TMEM132B: variants seen among roughly 807,000 people sequenced by gnomAD.
The protein encoded by TMEM132B is transmembrane protein 132B.
Under a neutral mutation model 90.8 loss-of-function variants are expected in TMEM132B, and 18 were observed. The ratio of observed to expected loss-of-function variants is 0.20; its 90% CI spans 0.14 to 0.29. The LOEUF is 0.29. Ranked by LOEUF, TMEM132B falls within the 10% of genes least tolerant of loss-of-function variation. The probability of loss-of-function intolerance (pLI) is 1.00; values close to 1 mark genes in which losing one functional copy is unlikely to be tolerated. For synonymous variants in TMEM132B, 504 were observed against 523.3 expected, an observed-to-expected ratio of 0.96 and a Z score of 0.50; for missense variants, 1,096 against 1,326.8, an observed-to-expected ratio of 0.83 and a Z score of 2.70.
At chr12:125,454,065 T>C (rs1320636585) in intron 3 of TMEM132B, among the ~76,000 whole-genome samples, 2 of 152,160 alleles carry the variant, frequency 1.3e-5, no homozygotes, top group African/African-American at 4.8e-5. Flanking sequence ...AGCTTTCAAG[T>C]AGGGCCCGTT....
At chr12:125,568,101 T>A (rs1326507877) in intron 4 of TMEM132B, among the ~76,000 whole-genome samples, 1 of 152,138 alleles carries the variant, frequency 6.6e-6, no homozygotes, top group Non-Finnish European at 1.5e-5. Flanking sequence ...CTCATCTCAT[T>A]CTCTCTGTCT....
intron 3 of TMEM132B, among the ~76,000 whole-genome samples, chr12:125,508,834 AGTG>A (rs1882908252): frequency 7.0e-6 from 1 of 142,914 alleles, no homozygotes; most frequent in Non-Finnish European, 1.5e-5. Context: ...CCTGGAGTGC[AGTG>A]GTATGATCTT....
At chr12:125,291,057 A>G (rs1875524618) in intron 1 of TMEM132B, among the ~76,000 whole-genome samples, 1 of 152,156 alleles carries the variant, frequency 6.6e-6, no homozygotes, top group South Asian at 2.1e-4. Flanking sequence ...CTAATCCCCA[A>G]TGCGGTGGCA....
chr12:125,191,338 C>T (rs1365437171), intron 1 of TMEM132B, among the ~76,000 whole-genome samples: 1 of 152,092 alleles, frequency 6.6e-6, no homozygotes, highest in African/African-American at 2.4e-5. Context: ...ATGGGATGCT[C>T]ACCACTCTGG....
intron 4 of TMEM132B, among the ~76,000 whole-genome samples, chr12:125,520,342 G>A (rs139387203): frequency 6.6e-6 from 1 of 152,290 alleles, no homozygotes; most frequent in East Asian, 1.9e-4. Flanking sequence ...ACCATTTTCT[G>A]CACTGCCTTG....
At chr12:125,631,703 C>G (rs893243793) in intron 5 of TMEM132B, among the ~76,000 whole-genome samples, 9 of 152,004 alleles carry the variant, frequency 5.9e-5, no homozygotes, top group Admixed American at 5.9e-4. Flanking sequence ...TTGTTATATC[C>G]TTTTGCTGAA....
At position 125,329,713 on chromosome 12, in the gene TMEM132B, T is replaced by C. The variant is rs1300769874; in HGVS notation, c.68-19739T>C. Among the ~76,000 whole-genome samples, 4 of 152,200 alleles carry C rather than the reference T, an allele frequency of 2.6e-5. 1 individual carries two copies. Among genetic ancestry groups the C allele is most frequent in the African/African-American group, 9.7e-5 (4 of 41,440 alleles). On this transcript the variant is annotated intron_variant, in intron 1 of 8. Transcript: ENST00000682704. The stretch of plus-strand genomic sequence containing the variant: ...CTGACACAGGCTGTATTCATCTCTC[T>C]TGAGACTGGCCTTTTAAAGTGTTCC...
At chr12:125,530,679 G>A (rs1883621945) in intron 4 of TMEM132B, among the ~76,000 whole-genome samples, 1 of 152,202 alleles carries the variant, frequency 6.6e-6, no homozygotes. Context: ...CTGGCTCCAG[G>A]CGTTCCTTAG....
intron 3 of TMEM132B, among the ~76,000 whole-genome samples, chr12:125,480,307 A>G (rs1440214676): frequency 6.6e-6 from 1 of 152,188 alleles, no homozygotes; most frequent in Non-Finnish European, 1.5e-5. Context: ...TCAAAAAATC[A>G]ATGAATCCAG....
intron 3 of TMEM132B, among the ~76,000 whole-genome samples, chr12:125,510,657 C>T (rs1235940109): frequency 1.3e-5 from 2 of 152,106 alleles, no homozygotes; most frequent in East Asian, 3.9e-4. Flanking sequence ...TGCTATTTGG[C>T]TTTATTTTCT....
chr12:125,378,965 C>G (rs1027406262), intron 2 of TMEM132B, among the ~76,000 whole-genome samples: 15 of 152,126 alleles, frequency 9.9e-5, no homozygotes, highest in Admixed American at 9.2e-4. Context: ...CCCCCACCCC[C>G]CTCAGTCCCC....
chr12:125,436,394 T>A (rs1880704391), intron 3 of TMEM132B, among the ~76,000 whole-genome samples: 1 of 152,126 alleles, frequency 6.6e-6, no homozygotes, highest in Non-Finnish European at 1.5e-5. Flanking sequence ...ACACACAGGC[T>A]TATTTGGAAA....
At chr12:125,554,658 A>T (rs1232492950) in intron 4 of TMEM132B, among the ~76,000 whole-genome samples, 1 of 151,986 alleles carries the variant, frequency 6.6e-6, no homozygotes, top group African/African-American at 2.4e-5. Flanking sequence ...CTGGTGTCAC[A>T]TCCTCTGGAA....
chr12:125,489,938 ATG>A (rs978079816), intron 3 of TMEM132B, among the ~76,000 whole-genome samples: 1 of 152,206 alleles, frequency 6.6e-6, no homozygotes, highest in African/African-American at 2.4e-5. Flanking sequence ...TGGAGGTTGA[ATG>A]TGTTGGGACT....
chr12:125,414,090 T>C (rs1334395463), intron 2 of TMEM132B, among the ~76,000 whole-genome samples: 1 of 152,224 alleles, frequency 6.6e-6, no homozygotes, highest in Admixed American at 6.5e-5. Context: ...TGATGACTAA[T>C]GATGTTGTTG....
chr12:125,345,811 T>C (rs1434278352), intron 1 of TMEM132B, among the ~76,000 whole-genome samples: 1 of 152,154 alleles, frequency 6.6e-6, no homozygotes, highest in African/African-American at 2.4e-5. Flanking sequence ...CAGTGGTAAA[T>C]ACCTCTCTAG....
At chr12:125,457,224 C>A (rs1318568514) in intron 3 of TMEM132B, among the ~76,000 whole-genome samples, 35 of 152,220 alleles carry the variant, frequency 2.3e-4, no homozygotes, top group Non-Finnish European at 2.9e-5. Flanking sequence ...TTCCTTCTCT[C>A]CACCTCCTTC....
At chr12:125,253,455 GA>G (rs1162075392) in intron 1 of TMEM132B, among the ~76,000 whole-genome samples, 27 of 124,654 alleles carry the variant, frequency 2.2e-4, no homozygotes, top group African/African-American at 8.2e-4. Context: ...TTTTTTTTGA[GA>G]CAGGGTCTCA....
intron 1 of TMEM132B, among the ~76,000 whole-genome samples, chr12:125,244,743 C>T (rs764023810): frequency 1.4e-4 from 21 of 152,148 alleles, no homozygotes; most frequent in East Asian, 3.9e-4. Flanking sequence ...CAAAGCCATG[C>T]GAAGGGATGA....
Sources: gnomAD v4.1 joint callset for allele counts (sites outside exome capture counted in the v4.1 genomes callset) on GRCh38, gnomAD v4.1.1 for gene constraint, MANE v1.5 for transcripts, NCBI Gene and HGNC (gene_info 2026-07-23, HGNC 2026-07-21) for gene names.